KCNAB1: variants seen among roughly 807,000 people sequenced by gnomAD.
KCNAB1 encodes the protein voltage-gated potassium channel subunit beta-1.
Under a neutral mutation model 64.6 loss-of-function variants are expected in KCNAB1, and 35 were observed. The ratio of observed to expected loss-of-function variants is 0.54; its 90% CI spans 0.41 to 0.72. The LOEUF is 0.72. Among genes scored for constraint, KCNAB1 ranks in the 30% least tolerant of loss-of-function variants. KCNAB1 has a pLI of 0.00. For missense variants in KCNAB1, 401 were observed against 512.9 expected (o/e 0.78, Z 2.11); for synonymous variants, 177 against 183.8 (o/e 0.96, Z 0.30).
intron 8 of KCNAB1, among the ~76,000 whole-genome samples, chr3:156,481,823 G>C (rs1714828937): frequency 6.6e-6 from 1 of 152,112 alleles, no homozygotes; most frequent in Non-Finnish European, 1.5e-5. Flanking sequence ...TTCCTCACCT[G>C]AAAACAGAGG....
chr3:156,352,208 C>T (rs939669133), intron 1 of KCNAB1, among the ~76,000 whole-genome samples: 2 of 152,216 alleles, frequency 1.3e-5, no homozygotes, highest in Non-Finnish European at 2.9e-5. Context: ...CCTGTGGGCT[C>T]CTCCCGGGGA....
chr3:156,449,781 A>G (rs56762981), intron 2 of KCNAB1, among the ~76,000 whole-genome samples: 12,386 of 152,272 alleles, frequency 0.081, 637 homozygotes, highest in African/African-American at 0.15. Context: ...TGAATTTCCC[A>G]AAAAGTTACC....
At chr3:156,194,493 T>C (rs1031448013) in intron 1 of KCNAB1, among the ~76,000 whole-genome samples, 1 of 152,140 alleles carries the variant, frequency 6.6e-6, no homozygotes, top group African/African-American at 2.4e-5. Context: ...TTGGCTTCTT[T>C]TTAACATTTT....
At chr3:156,269,568 G>T (rs1310392914) in intron 1 of KCNAB1, among the ~76,000 whole-genome samples, 1 of 152,160 alleles carries the variant, frequency 6.6e-6, no homozygotes, top group East Asian at 1.9e-4. Context: ...TGTTCTAGAT[G>T]ATCTGTCCAA....
chr3:156,208,292 T>C (rs1714788642), intron 1 of KCNAB1, among the ~76,000 whole-genome samples: 1 of 152,172 alleles, frequency 6.6e-6, no homozygotes, highest in Non-Finnish European at 1.5e-5. Context: ...GTTTCTAACT[T>C]CTCTCCCAAT....
rs757553249 is a variant in KCNAB1, at chr3:156,474,799, G to C, written c.637G>C (p.Asp213His). Residue 213 changes from aspartate to histidine, a missense_variant, in exon 8 of 14, where the codon GAC (aspartate) becomes CAC (histidine). Physicochemically the swap from Asp to His is moderately conservative, Grantham distance 81. Transcript: ENST00000490337. Reference sequence around the variant, plus strand: ...GGATGTGGTCTTTGCAAATCGACCGGACAGTAACACTCCCATGGAAGGTAA... The same window carrying C: ...GGATGTGGTCTTTGCAAATCGACCGCACAGTAACACTCCCATGGAAGGTAA... ...YVDVVFANRP[D>H]SNTPMEEIVR... The C allele has an allele frequency of 6.2e-7, 1 of 1,612,996 alleles. No individual in the cohort carries two copies. The highest frequency in any genetic ancestry group is 1.7e-5 in the Admixed American group (1 of 59,960).
At position 156,276,621 on chromosome 3, in the gene KCNAB1, T is replaced by C. The variant is rs1719361538; in HGVS notation, c.276-144995T>C. On this transcript the variant is annotated intron_variant, in intron 1 of 13. Transcript: ENST00000490337. Reference sequence around the variant, plus strand: ...GTTGCTGTAGCTTCTATTTAGTACTTACTGCTTCACCTTGCACTTTTATGT... The same window carrying C: ...GTTGCTGTAGCTTCTATTTAGTACTCACTGCTTCACCTTGCACTTTTATGT... Among the ~76,000 whole-genome samples, 3 of 152,220 alleles carry C rather than the reference T, an allele frequency of 2.0e-5. No homozygotes were observed. In the South Asian group the frequency reaches 6.2e-4, roughly 32 times the overall value.
At chr3:156,185,602 G>A (rs1349806233) in intron 1 of KCNAB1, among the ~76,000 whole-genome samples, 1 of 152,206 alleles carries the variant, frequency 6.6e-6, no homozygotes, top group Admixed American at 6.5e-5. Context: ...AGTAAATTGT[G>A]AAAATGTGAC....
intron 1 of KCNAB1, among the ~76,000 whole-genome samples, chr3:156,406,090 G>A (rs550337245): frequency 7.2e-5 from 11 of 152,246 alleles, no homozygotes; most frequent in South Asian, 6.2e-4. Context: ...TCTATTAGGA[G>A]TATCTGCATT....
At chr3:156,120,357 AG>A (rs1168777885), upstream of KCNAB1, among the ~76,000 whole-genome samples, 1 of 152,210 alleles carries the variant, frequency 6.6e-6, no homozygotes, top group Non-Finnish European at 1.5e-5. Context: ...AGTATTACAA[AG>A]TTGTTGGGAG....
intron 1 of KCNAB1, among the ~76,000 whole-genome samples, chr3:156,284,558 C>A (rs768421376): frequency 1.4e-3 from 207 of 152,328 alleles, no homozygotes; most frequent in Non-Finnish European, 2.4e-3. Context: ...GGGCTCCCCT[C>A]CCCCAGCCTC....
chr3:156,513,633 T>C (rs1418908893), intron 8 of KCNAB1, among the ~76,000 whole-genome samples: 1 of 152,200 alleles, frequency 6.6e-6, no homozygotes, highest in Non-Finnish European at 1.5e-5. Flanking sequence ...CTCCATCCTC[T>C]GGGGAAGGGA....
chr3:156,361,482 G>T (rs1725608335), intron 1 of KCNAB1, among the ~76,000 whole-genome samples: 1 of 151,954 alleles, frequency 6.6e-6, no homozygotes, highest in Admixed American at 6.6e-5. Flanking sequence ...GTATGTGTGT[G>T]AATAATATAT....
At chr3:156,470,365 T>G (rs1388692526) in intron 7 of KCNAB1, among the ~76,000 whole-genome samples, 2 of 152,164 alleles carry the variant, frequency 1.3e-5, no homozygotes, top group African/African-American at 4.8e-5. Context: ...AACAGATTCC[T>G]TTGGTACTGG....
chr3:156,284,201 T>C (rs1339141088), intron 1 of KCNAB1, among the ~76,000 whole-genome samples: 1 of 152,192 alleles, frequency 6.6e-6, no homozygotes, highest in Non-Finnish European at 1.5e-5. Context: ...GACCCTCAGC[T>C]GCAGGTCTGT....
intron 1 of KCNAB1, among the ~76,000 whole-genome samples, chr3:156,373,878 GTC>G (rs1711504660): frequency 6.6e-6 from 1 of 152,200 alleles, no homozygotes; most frequent in African/African-American, 2.4e-5. Context: ...GATCATAATG[GTC>G]TGATCCATTC....
intron 1 of KCNAB1, among the ~76,000 whole-genome samples, chr3:156,418,260 T>C (rs1192365854): frequency 1.3e-5 from 2 of 152,200 alleles, no homozygotes; most frequent in East Asian, 3.8e-4. Context: ...TAGAATAATA[T>C]CATATAAAGT....
intron 13 of KCNAB1, among the ~76,000 whole-genome samples, chr3:156,533,454 G>A (rs1284870593): frequency 2.6e-5 from 4 of 152,192 alleles, no homozygotes; most frequent in South Asian, 2.1e-4. Flanking sequence ...TGGTCAACAC[G>A]TAGTTGAGCA....
rs78569009 is a variant in KCNAB1 at position 156,225,810 on chromosome 3, C to A, written c.275+104924C>A. 3.0e-3 allele frequency among the ~76,000 whole-genome samples: 464 copies of A among 152,230 alleles called. 2 individuals carry two copies. Among genetic ancestry groups the A allele is most frequent in the African/African-American group, 0.01 (435 of 41,554 alleles). On this transcript the variant is annotated intron_variant, in intron 1 of 13. Coordinates refer to ENST00000490337, the MANE Select transcript of KCNAB1 (RefSeq NM_172160.3). ...GCTGAGAATCAAATCAAGAACTCAA[C>A]TCCTTTCACGATAGCTGCAAAAAAT...
Sources: gnomAD v4.1 joint callset for allele counts (sites outside exome capture counted in the v4.1 genomes callset) on GRCh38, gnomAD v4.1.1 for gene constraint, MANE v1.5 for transcripts, NCBI Gene and HGNC (gene_info 2026-07-23, HGNC 2026-07-21) for gene names.